Variants in LRRC7 observed in about 807,000 individuals in gnomAD.
LRRC7 encodes leucine-rich repeat-containing protein 7.
Under a neutral mutation model 175.7 loss-of-function variants are expected in LRRC7, and 23 were observed. The observed-to-expected ratio is 0.13, with a 90% CI of 0.09 to 0.19. LRRC7 has a LOEUF of 0.19. Ranked by LOEUF, LRRC7 falls within the 10% of genes least tolerant of loss-of-function variation. The pLI is 1.00. For missense variants in LRRC7, 1,354 were observed against 1,904.7 expected (o/e 0.71, Z 5.38); for synonymous variants, 685 against 680.9 (o/e 1.01, Z -0.09).
intron 12 of LRRC7, 75 bp downstream of exon 12, chr1:70,012,001 T>C: frequency 9.8e-7 from 1 of 1,016,800 alleles, no homozygotes; most frequent in Non-Finnish European, 1.5e-6. Context: ...ACAGGTAGAA[T>C]AGCAATGTAG....
At chr1:69,747,029 A>T (rs1008841934) in intron 2 of LRRC7, among the ~76,000 whole-genome samples, 1 of 151,922 alleles carries the variant, frequency 6.6e-6, no homozygotes, top group African/African-American at 2.4e-5. Context: ...CCTTCTGTGG[A>T]CCTCTGTCTT....
intron 26 of LRRC7, among the ~76,000 whole-genome samples, chr1:70,120,212 A>G (rs1480962516): frequency 1.3e-5 from 2 of 152,086 alleles, no homozygotes; most frequent in Non-Finnish European, 1.5e-5. Flanking sequence ...AACACACCCA[A>G]ACTTCTACTC....
intron 2 of LRRC7, among the ~76,000 whole-genome samples, chr1:69,734,980 GA>G (rs549912003): frequency 1.0e-4 from 15 of 149,398 alleles, no homozygotes; most frequent in Non-Finnish European, 1.5e-4. Context: ...TTAAAAATAG[GA>G]AAAAAAAACC....
intron 7 of LRRC7, among the ~76,000 whole-genome samples, chr1:69,842,670 A>G (rs1681859823): frequency 6.6e-6 from 1 of 152,118 alleles, no homozygotes; most frequent in African/African-American, 2.4e-5. Flanking sequence ...GAATGCTAAG[A>G]GTTGTTGGAA....
At chr1:69,743,187 C>G (rs572914556) in intron 2 of LRRC7, among the ~76,000 whole-genome samples, 1 of 152,062 alleles carries the variant, frequency 6.6e-6, no homozygotes, top group South Asian at 2.1e-4. Context: ...CTGTGTTAGT[C>G]AGGAATGAGC....
rs1000076095 is a variant in LRRC7 at position 69,934,508 on chromosome 1, G to A, written c.711+2938G>A. 4.1e-5 allele frequency among the ~76,000 whole-genome samples: 4 copies of A among 97,922 alleles called. 1 individual carries two copies. In the East Asian group the frequency reaches 1.2e-3, roughly 29 times the overall value. The allele number at this position is 97,922 out of a possible 152,430, so 64.2% of individuals were successfully genotyped here. A position where few individuals can be genotyped will look rare whatever the true frequency, so the allele number is the denominator to read the frequency against. On this transcript the variant is annotated intron_variant, in intron 8 of 26. Coordinates refer to ENST00000651989, the MANE Select transcript of LRRC7 (RefSeq NM_001370785.2). ...AGATATTTTGGCGGGGGGGGGGCGGGGGGTGGGGGGTTTTGTTGTTTCTTT... is the reference window on the plus strand; with the variant it reads ...AGATATTTTGGCGGGGGGGGGGCGGAGGGTGGGGGGTTTTGTTGTTTCTTT...
chr1:69,809,757 T>C (rs1677590260), intron 4 of LRRC7, among the ~76,000 whole-genome samples: 1 of 152,084 alleles, frequency 6.6e-6, no homozygotes, highest in Admixed American at 6.6e-5. Flanking sequence ...ATAAACTAGC[T>C]ATTGATGGAA....
intron 1 of LRRC7, among the ~76,000 whole-genome samples, chr1:69,640,306 T>TGGA (rs1654008718): frequency 6.6e-6 from 1 of 151,706 alleles, no homozygotes; most frequent in Admixed American, 6.6e-5. Flanking sequence ...TAACACACAA[T>TGGA]TAATTCTTGA....
intron 7 of LRRC7, among the ~76,000 whole-genome samples, chr1:69,865,469 C>CTTTTTGTTTTTTTTTTTT (rs1684821278): frequency 2.0e-5 from 1 of 51,262 alleles, no homozygotes; most frequent in Non-Finnish European, 3.4e-5. Context: ...AAGACAGTTC[C>CTTTTTGTTTTTTTTTTTT]TTTTTTTTTT....
intron 24 of LRRC7, among the ~76,000 whole-genome samples, chr1:70,082,802 T>TTTTTTTTTTTTTTTTTTTTTTTTTG: frequency 8.2e-6 from 1 of 121,412 alleles, no homozygotes; most frequent in Non-Finnish European, 1.7e-5. Flanking sequence ...TTTTTTTTTT[T>TTTTTTTTTTTTTTTTTTTTTTTTTG]TTTTTTTTTT....
intron 23 of LRRC7, among the ~76,000 whole-genome samples, chr1:70,063,571 A>G (rs2102091604): frequency 6.6e-6 from 1 of 152,234 alleles, no homozygotes; most frequent in Middle Eastern, 3.4e-3. Context: ...GATCAAGGAT[A>G]GTTGCCAGAT....
chr1:69,787,746 C>G (rs567950343), intron 3 of LRRC7, among the ~76,000 whole-genome samples: 84 of 152,252 alleles, frequency 5.5e-4, no homozygotes, highest in African/African-American at 1.9e-3. Flanking sequence ...TGGTGACTAA[C>G]TTTCAGCTCC....
chr1:69,752,130 T>A (rs561959392), intron 2 of LRRC7, among the ~76,000 whole-genome samples: 2 of 152,098 alleles, frequency 1.3e-5, no homozygotes, highest in Non-Finnish European at 2.9e-5. Flanking sequence ...AGTACCAGAA[T>A]CACCATGTAT....
At chr1:70,105,664 A>C (rs1015142292) in intron 25 of LRRC7, among the ~76,000 whole-genome samples, 8 of 152,140 alleles carry the variant, frequency 5.3e-5, no homozygotes, top group Admixed American at 1.3e-4. Context: ...AATTTCTTTA[A>C]TCAATGCCCT....
chr1:69,572,630 A>C (rs556080632), intron 1 of LRRC7, among the ~76,000 whole-genome samples: 1 of 152,260 alleles, frequency 6.6e-6, no homozygotes, highest in African/African-American at 2.4e-5. Context: ...GTAGAGTATT[A>C]CCCTGAGATA....
intron 11 of LRRC7, among the ~76,000 whole-genome samples, chr1:70,010,935 T>C (rs1330134179): frequency 6.6e-6 from 1 of 152,202 alleles, no homozygotes; most frequent in Non-Finnish European, 1.5e-5. Context: ...CACTGAAGAA[T>C]TATGCCCATT....
At chr1:69,704,725 G>A (rs1304885476) in intron 2 of LRRC7, among the ~76,000 whole-genome samples, 2 of 151,632 alleles carry the variant, frequency 1.3e-5, no homozygotes, top group Non-Finnish European at 2.9e-5. Flanking sequence ...CTAATACATT[G>A]TATCTATTTA....
chr1:70,065,126 C>T (rs915369723), intron 23 of LRRC7, among the ~76,000 whole-genome samples: 5 of 151,844 alleles, frequency 3.3e-5, no homozygotes, highest in African/African-American at 1.2e-4. Context: ...AATATTGACA[C>T]GTCCAGCAAA....
chr1:70,013,440 G>A (rs1656696055), intron 13 of LRRC7, among the ~76,000 whole-genome samples: 1 of 151,778 alleles, frequency 6.6e-6, no homozygotes, highest in Non-Finnish European at 1.5e-5. Context: ...GCATATCTAT[G>A]TATGTATGTA....
Sources: gnomAD v4.1 joint callset for allele counts (sites outside exome capture counted in the v4.1 genomes callset) on GRCh38, gnomAD v4.1.1 for gene constraint, MANE v1.5 for transcripts, NCBI Gene and HGNC (gene_info 2026-07-23, HGNC 2026-07-21) for gene names.